OLAH: variants seen among roughly 807,000 people sequenced by gnomAD.
OLAH encodes the protein oleoyl-ACP hydrolase, also known as S-acyl fatty acid synthase thioesterase, medium chain.
OLAH carries 33 observed loss-of-function variants against 27.8 expected under a neutral mutation model. The ratio of observed to expected loss-of-function variants is 1.19; its 90% CI spans 0.90 to 1.59. OLAH has a LOEUF of 1.59. OLAH is among the 40% of genes most tolerant of loss of function. OLAH has a pLI of 0.00. For missense variants in OLAH, 359 were observed against 310.8 expected (o/e 1.16, Z -1.17); for synonymous variants, 120 against 102.9 (o/e 1.17, Z -1.01).
chr10:15,060,121 T>C (rs1844334422), intron 3 of OLAH, among the ~76,000 whole-genome samples: 1 of 152,206 alleles, frequency 6.6e-6, no homozygotes, highest in Non-Finnish European at 1.5e-5. Flanking sequence ...TACCACAGTG[T>C]ACTCATCAGC....
intron 1 of OLAH, among the ~76,000 whole-genome samples, chr10:15,034,324 G>A (rs10906809): frequency 0.43 from 65,146 of 151,352 alleles, 14,677 homozygotes; most frequent in East Asian, 0.7. Flanking sequence ...GTAGAGACGG[G>A]GTTTCGCCAT....
chr10:15,045,677 T>C (rs1420486585), intron 1 of OLAH, among the ~76,000 whole-genome samples: 2 of 152,204 alleles, frequency 1.3e-5, no homozygotes, highest in African/African-American at 4.8e-5. Context: ...GGGATTCACC[T>C]GAGCTCCCTG....
upstream of OLAH, among the ~76,000 whole-genome samples, chr10:15,040,758 A>G (rs899591451): frequency 2.0e-5 from 3 of 152,220 alleles, no homozygotes; most frequent in African/African-American, 7.2e-5. Context: ...GCAACTGTGA[A>G]CAAAACCACC....
At chr10:15,056,963 C>T in intron 3 of OLAH, 1 of 1,455,124 alleles carries the variant, frequency 6.9e-7, no homozygotes, top group Non-Finnish European at 9.1e-7. Flanking sequence ...TTGGTCTATT[C>T]TGGATTCTAA....
At chr10:15,036,264 A>G (rs184849244) in intron 1 of OLAH, among the ~76,000 whole-genome samples, 2 of 152,252 alleles carry the variant, frequency 1.3e-5, no homozygotes, top group South Asian at 2.1e-4. Flanking sequence ...TTGGGATTCC[A>G]AGGTGGGTGG....
chr10:15,035,888 C>T (rs1216853370), intron 1 of OLAH, among the ~76,000 whole-genome samples: 1 of 152,174 alleles, frequency 6.6e-6, no homozygotes, highest in Non-Finnish European at 1.5e-5. Context: ...CCACTGTCTC[C>T]TTTCATTGCT....
At chr10:15,050,454 G>A (rs1844113202) in intron 3 of OLAH, among the ~76,000 whole-genome samples, 1 of 151,804 alleles carries the variant, frequency 6.6e-6, no homozygotes, top group African/African-American at 2.4e-5. Flanking sequence ...TTTTAGTAGA[G>A]ACAGTGTTTC....
At position 15,064,399 on chromosome 10, in the gene OLAH, T is replaced by A. The variant is rs779394460; in HGVS notation, c.303-4T>A. 1.9e-6 allele frequency: 3 copies of A among 1,565,764 alleles called. No homozygotes were observed. Among genetic ancestry groups the A allele is most frequent in the South Asian group, 2.3e-5 (2 of 86,082 alleles). Reference sequence around the variant, plus strand: ...CTTGTCATGTTTTTCTTTGCTGAATTTAGTATGGGATCCTACATTGCTTTT... The same window carrying A: ...CTTGTCATGTTTTTCTTTGCTGAATATAGTATGGGATCCTACATTGCTTTT... On this transcript the variant is annotated splice_region_variant and splice_polypyrimidine_tract_variant and intron_variant, in intron 4 of 7. Transcript: ENST00000378228.
intron 1 of OLAH, among the ~76,000 whole-genome samples, chr10:15,038,916 C>T (rs1489058970): frequency 2.0e-5 from 3 of 152,092 alleles, no homozygotes; most frequent in Non-Finnish European, 2.9e-5. Context: ...ATATATTCAG[C>T]ATCTTGACTG....
Position 15,064,451 on chromosome 10 carries a change from C to T in OLAH, c.351C>T (p.Asn117=). 1 of 1,597,284 alleles carries T rather than the reference C, an allele frequency of 6.3e-7. No homozygotes were observed. The highest frequency in any genetic ancestry group is 8.5e-7 in the Non-Finnish European group (1 of 1,174,362). The part of the protein sequence containing the change: ...AFRTALGLKE[N]NQPEPLHLFL... ...GGACTGCACTAGGTCTAAAAGAAAA[C>T]AATCAACCAGAACCATTGCATTTAT... Residue 117 remains asparagine, a synonymous_variant, in exon 5 of 8, where the codon AAC becomes AAT. Coordinates refer to ENST00000378228, the MANE Select transcript of OLAH (RefSeq NM_001039702.3).
At chr10:15,047,370 G>C (rs1490602484) in intron 2 of OLAH, 50 bp downstream of exon 2, 4 of 1,573,732 alleles carry the variant, frequency 2.5e-6, no homozygotes, top group Non-Finnish European at 3.5e-6. Flanking sequence ...CAGGGGCTCC[G>C]ATACCCTGCC....
upstream of OLAH, among the ~76,000 whole-genome samples, chr10:15,041,279 TATTTTTA>T (rs1481582609): frequency 1.4e-5 from 1 of 71,972 alleles, no homozygotes; most frequent in Non-Finnish European, 2.7e-5. Context: ...TTTTTATTTT[TATTTTTA>T]TTTTTTTTGA....
intron 1 of OLAH, among the ~76,000 whole-genome samples, chr10:15,036,318 C>T (rs1052147252): frequency 1.3e-5 from 2 of 151,934 alleles, no homozygotes; most frequent in African/African-American, 4.8e-5. Context: ...GGCAAAATGG[C>T]GAAACCCCAT....
At position 15,052,492 on chromosome 10, in the gene OLAH, CA is replaced by C. The variant is rs532900811; in HGVS notation, c.163+2730del. On this transcript the variant is annotated intron_variant, in intron 3 of 7. Coordinates refer to ENST00000378228, the MANE Select transcript of OLAH (RefSeq NM_001039702.3). The stretch of plus-strand genomic sequence containing the variant: ...CTTGCTTTGTTGCCCAGGCTGGTCT[CA>C]AACTCCTAGCCTGAAGCAATCCCTC... 5.0e-3 allele frequency among the ~76,000 whole-genome samples: 768 copies of C among 152,220 alleles called. 10 individuals carry two copies. Among genetic ancestry groups the C allele is most frequent in the African/African-American group, 0.018 (727 of 41,518 alleles).
chr10:15,049,366 G>A (rs1304798143), intron 2 of OLAH, among the ~76,000 whole-genome samples: 1 of 151,994 alleles, frequency 6.6e-6, no homozygotes, highest in African/African-American at 2.4e-5. Flanking sequence ...ACTCCTGGTT[G>A]CAAGTGATCC....
chr10:15,039,974 C>G (rs192286924), upstream of OLAH, among the ~76,000 whole-genome samples: 37 of 152,330 alleles, frequency 2.4e-4, no homozygotes, highest in Admixed American at 2.4e-3. Flanking sequence ...CCACAAAAGC[C>G]TGTGCTTGGG....
chr10:15,070,933 A>G (rs1844572517), intron 6 of OLAH, among the ~76,000 whole-genome samples: 1 of 151,770 alleles, frequency 6.6e-6, no homozygotes, highest in Non-Finnish European at 1.5e-5. Flanking sequence ...CTACAAGTAC[A>G]TGACACCACA....
upstream of OLAH, among the ~76,000 whole-genome samples, chr10:15,043,477 CTT>C (rs35687747): frequency 5.1e-4 from 68 of 133,482 alleles, 1 homozygote; most frequent in Middle Eastern, 3.9e-3. Context: ...TTCTCTTCTT[CTT>C]TTTTTTTTTT....
rs766534227 is a variant in OLAH at position 15,071,843 on chromosome 10, T to C, written c.621T>C (p.Phe207=). ...KAVLSCDLTC[F]VGSEDIAKDM... is the part of the protein sequence containing the mutation. ...TTCTTTCCTGTGACTTGACATGTTT[T>C]GTTGGATCTGAAGACATAGCAAAGG... The change falls in exon 7 of 8, where the codon TTT becomes TTC. Residue 207 remains phenylalanine (F), a synonymous_variant. Transcript: ENST00000378228. 1 of 1,613,724 alleles carries C rather than the reference T, an allele frequency of 6.2e-7. No individual in the cohort carries two copies. The highest frequency in any genetic ancestry group is 8.5e-7 in the Non-Finnish European group (1 of 1,179,548).
Sources: allele counts gnomAD v4.1 joint callset (sites outside exome capture counted in the v4.1 genomes callset), GRCh38; gene constraint gnomAD v4.1.1; transcripts MANE v1.5; gene names NCBI Gene and HGNC (gene_info 2026-07-23, HGNC 2026-07-21).